The following ADAMTSL2 variants were observed in gnomAD, a reference collection of about 807,000 sequenced individuals.
The protein encoded by ADAMTSL2 is ADAMTS-like protein 2.
ADAMTSL2 carries 55 observed loss-of-function variants against 117.0 expected under a neutral mutation model. That is an observed-to-expected ratio of 0.47 (90% confidence interval 0.38 to 0.59). The LOEUF (loss-of-function observed/expected upper bound fraction) is 0.59. Among genes scored for constraint, ADAMTSL2 ranks in the 20% least tolerant of loss-of-function variants. The pLI is 0.00. For synonymous variants in ADAMTSL2, 572 were observed against 566.4 expected (o/e 1.01, Z -0.14); for missense variants, 1,182 against 1,354.5 (o/e 0.87, Z 2.00).
rs529913774 is a variant in ADAMTSL2 at position 133,537,177 on chromosome 9, G to T, written c.91-228G>T. Among the ~76,000 whole-genome samples the T allele has an allele frequency of 9.8e-5, 15 of 152,328 alleles. No individual in the cohort carries two copies. In the South Asian group the frequency reaches 3.1e-3, roughly 32 times the overall value. ...GCTTGCCAAGCCCCCAGGCCATCCT[G>T]GACCTTAAGGTCAAGGAGGACCCGT... is the stretch of plus-strand genomic sequence containing the variant. On this transcript the variant is annotated intron_variant, in intron 2 of 18. Transcript: ENST00000651351.
At chr9:133,561,820 G>C (rs1830735574) in intron 12 of ADAMTSL2, among the ~76,000 whole-genome samples, 1 of 152,162 alleles carries the variant, frequency 6.6e-6, no homozygotes, top group African/African-American at 2.4e-5. Context: ...GTTGAGCTGG[G>C]ATTTGAACCC....
At position 133,566,987 on chromosome 9, in the gene ADAMTSL2, A is replaced by G. The variant is rs1830989329; in HGVS notation, c.1799A>G (p.Asp600Gly). The change falls in exon 13 of 19, where the codon GAT becomes GGT. Residue 600 changes from aspartate (D) to glycine (G), a missense_variant. Asp to Gly is a moderately conservative substitution (Grantham distance 94, BLOSUM62 -1). This residue lies in a region of ADAMTSL2 where 465 missense variants were observed against 565.3 expected (regional missense o/e 0.82). Coordinates refer to ENST00000651351, the MANE Select transcript of ADAMTSL2 (RefSeq NM_014694.4). ...MCVRYDGVEV[D>G]DSYCDALTRP... Reference sequence around the variant, plus strand: ...GTCCGCTATGATGGCGTCGAGGTGGATGACAGCTACTGTGACGCCCTGACC... The same window carrying G: ...GTCCGCTATGATGGCGTCGAGGTGGGTGACAGCTACTGTGACGCCCTGACC... 3 of 1,611,490 alleles carry G rather than the reference A, an allele frequency of 1.9e-6. No homozygotes were observed. The highest frequency in any genetic ancestry group is 1.7e-5 in the Admixed American group (1 of 59,792).
At chr9:133,564,259 AGG>A (rs1830862569) in intron 12 of ADAMTSL2, among the ~76,000 whole-genome samples, 2 of 59,604 alleles carry the variant, frequency 3.4e-5, no homozygotes, top group Admixed American at 1.5e-4. Flanking sequence ...GGAGAGAGAG[AGG>A]GAGAGAGAGA....
chr9:133,542,706 G>A (rs1045505005), intron 7 of ADAMTSL2, among the ~76,000 whole-genome samples: 1 of 152,158 alleles, frequency 6.6e-6, no homozygotes, highest in Non-Finnish European at 1.5e-5. Flanking sequence ...GCCACAAGAG[G>A]CAGAACGGGG....
Position 133,539,866 on chromosome 9 carries a change from G to T in ADAMTSL2, c.405G>T (p.Leu135=). ...GGCGGACGCACCAGTGGAAGCCTCT[G>T]TACCCGGGTACCTGCCGCCCTGGGG... ...YNGRTHQWKP[L]YPDDYVHISS... is the part of the protein sequence containing the mutation. The change falls in exon 5 of 19, where the codon CTG becomes CTT. Residue 135 remains leucine (L), a synonymous_variant. Coordinates refer to ENST00000651351, the MANE Select transcript of ADAMTSL2 (RefSeq NM_014694.4). 6.4e-7 allele frequency: 1 copy of T among 1,550,950 alleles called. No individual in the cohort carries two copies. The highest frequency in any genetic ancestry group is 8.7e-7 in the Non-Finnish European group (1 of 1,146,990).
chr9:133,572,531 A>G (rs1021425013), intron 17 of ADAMTSL2, among the ~76,000 whole-genome samples: 1 of 152,264 alleles, frequency 6.6e-6, no homozygotes, highest in Non-Finnish European at 1.5e-5. Context: ...GTTTGGGAAG[A>G]GCACTAGCTT....
Position 133,536,583 on chromosome 9 carries a change from C to T in ADAMTSL2, c.-130C>T. The T allele has an allele frequency of 6.2e-7, 1 of 1,600,166 alleles. No homozygotes were observed. Among genetic ancestry groups the T allele is most frequent in the South Asian group, 1.1e-5 (1 of 89,674 alleles). On this transcript the variant is annotated 5_prime_UTR_variant, in exon 2 of 19. Transcript: ENST00000651351. ...AACAGGGTCTGCCAGACAACCACGA[C>T]CAACTAGTCCCAGATAACCTTGAGG...
At position 133,554,941 on chromosome 9, in the gene ADAMTSL2, A is replaced by G. The variant is rs1830571248; in HGVS notation, c.1276+248A>G. Among the ~76,000 whole-genome samples the G allele has an allele frequency of 6.6e-6, 1 of 152,130 alleles. No homozygotes were observed. Among genetic ancestry groups the G allele is most frequent in the Admixed American group, 6.5e-5 (1 of 15,282 alleles). ...GATGGGGAGACTGAGGCTTAGAAAG[A>G]GGAAGTGGCTTGGCCAAGTCATGCA... On this transcript the variant is annotated intron_variant, in intron 10 of 18. Coordinates refer to ENST00000651351, the MANE Select transcript of ADAMTSL2 (RefSeq NM_014694.4). This position sits in a 1 kb window ranked among gnomAD's most constrained non-coding sequence, Gnocchi z 5.2.
chr9:133,542,718 C>G (rs1830254426), intron 7 of ADAMTSL2, among the ~76,000 whole-genome samples: 1 of 152,186 alleles, frequency 6.6e-6, no homozygotes, highest in Non-Finnish European at 1.5e-5. Flanking sequence ...AGAACGGGGC[C>G]TGAACCCAGG....
rs1022557002 is a variant in ADAMTSL2, at chr9:133,574,849, G to GC, written c.2848dup (p.His950ProfsTer13). The GC allele has an allele frequency of 3.8e-5, 62 of 1,612,198 alleles. No individual in the cohort carries two copies. In the South Asian group the frequency reaches 4.7e-4, roughly 12 times the overall value. ...GCAAGGCGTGCTGCCGCTCCTGCAGGCCCCCCCACTCCTAGGCCCGGCAGC... is the reference window on the plus strand; with the variant it reads ...GCAAGGCGTGCTGCCGCTCCTGCAGGCCCCCCCCACTCCTAGGCCCGGCAGC... On this transcript the variant is annotated frameshift_variant, in exon 19 of 19. Coordinates refer to ENST00000651351, the MANE Select transcript of ADAMTSL2 (RefSeq NM_014694.4). LOFTEE classifies it high-confidence loss of function.
At chr9:133,551,302 C>CG in intron 9 of ADAMTSL2, among the ~76,000 whole-genome samples, 1 of 147,404 alleles carries the variant, frequency 6.8e-6, no homozygotes, top group Non-Finnish European at 1.5e-5. Flanking sequence ...AAGGGCCCCC[C>CG]CACACACAGC....
intron 6 of ADAMTSL2, 44 bp from the exon 7 acceptor site, chr9:133,540,834 C>T (rs1177028578): frequency 1.9e-6 from 3 of 1,613,178 alleles, no homozygotes; most frequent in Admixed American, 1.7e-5. Flanking sequence ...CGGGGCCTGG[C>T]CACAGCGCCC....
At chr9:133,563,832 A>AGAGAGAGGGAGG (rs1830811638) in intron 12 of ADAMTSL2, among the ~76,000 whole-genome samples, 1 of 88,966 alleles carries the variant, frequency 1.1e-5, no homozygotes, top group Non-Finnish European at 2.4e-5. Context: ...AGAGAGAGAG[A>AGAGAGAGGGAGG]GAGAGAGAGA....
At chr9:133,556,155 T>C (rs937188746) in intron 11 of ADAMTSL2, among the ~76,000 whole-genome samples, 3 of 152,170 alleles carry the variant, frequency 2.0e-5, no homozygotes, top group Non-Finnish European at 4.4e-5. Flanking sequence ...CCAAAAGTTA[T>C]GTCCATGGAT....
chr9:133,540,805 T>C, intron 6 of ADAMTSL2, 62 bp downstream of exon 6: 1 of 1,613,374 alleles, frequency 6.2e-7, no homozygotes, highest in Non-Finnish European at 8.5e-7. Flanking sequence ...CGCCCGCCTG[T>C]GGGAGGCAGT....
intron 7 of ADAMTSL2, among the ~76,000 whole-genome samples, chr9:133,541,992 C>A (rs1362495549): frequency 6.6e-6 from 1 of 152,190 alleles, no homozygotes; most frequent in African/African-American, 2.4e-5. Flanking sequence ...ACCCACTTAG[C>A]AGATGGGGAA....
intron 7 of ADAMTSL2, among the ~76,000 whole-genome samples, chr9:133,541,252 G>C (rs1830216564): frequency 6.6e-6 from 1 of 151,890 alleles, no homozygotes; most frequent in Admixed American, 6.6e-5. Flanking sequence ...GGTCACATTT[G>C]CCCTTTGAGA....
intron 12 of ADAMTSL2, 31 bp from the exon 13 acceptor site, chr9:133,566,905 G>C (rs1830986445): frequency 6.3e-7 from 1 of 1,594,316 alleles, no homozygotes; most frequent in Non-Finnish European, 8.5e-7. Context: ...TGCCGGCATG[G>C]CTCACAGACC....
Position 133,569,499 on chromosome 9 carries a change from T to A in ADAMTSL2, c.2336T>A (p.Met779Lys). 1 of 1,612,490 alleles carries A rather than the reference T, an allele frequency of 6.2e-7. No individual in the cohort carries two copies. Among genetic ancestry groups the A allele is most frequent in the Non-Finnish European group, 8.5e-7 (1 of 1,179,588 alleles). The change falls in exon 16 of 19, where the codon ATG becomes AAG. Residue 779 changes from methionine (M) to lysine (K), a missense_variant. This residue lies in a region of ADAMTSL2 where 465 missense variants were observed against 565.3 expected (regional missense o/e 0.82). Coordinates refer to ENST00000651351, the MANE Select transcript of ADAMTSL2 (RefSeq NM_014694.4). Reference sequence around the variant, plus strand: ...GTAGTACCTGAGTCCCAGTGCCAGATGGAGACCAAGCCTCTGGCCATCCAC... The same window carrying A: ...GTAGTACCTGAGTCCCAGTGCCAGAAGGAGACCAAGCCTCTGGCCATCCAC... ...GRVVPESQCQ[M>K]ETKPLAIHPC...
Sources: gnomAD v4.1 joint callset for allele counts (sites outside exome capture counted in the v4.1 genomes callset) on GRCh38, gnomAD v4.1.1 for gene constraint, gnomAD v4.1.1 regional missense constraint, Gnocchi (gnomAD v3.1) non-coding constraint, MANE v1.5 for transcripts, NCBI Gene and HGNC (gene_info 2026-07-23, HGNC 2026-07-21) for gene names.